The following SLC4A10 variants were observed in gnomAD, a reference collection of about 807,000 sequenced individuals.
SLC4A10 encodes the protein solute carrier family 4 member 10.
In SLC4A10, 42 loss-of-function variants were observed where a neutral mutation model predicts 137.7. That is an observed-to-expected ratio of 0.30 (90% confidence interval 0.24 to 0.39). SLC4A10 has a LOEUF of 0.39. Ranked by LOEUF, SLC4A10 falls within the 10% of genes least tolerant of loss-of-function variation. The probability of loss-of-function intolerance (pLI) is 1.00; values close to 1 mark genes in which losing one functional copy is unlikely to be tolerated. For synonymous variants in SLC4A10, 474 were observed against 464.1 expected, an observed-to-expected ratio of 1.02 and a Z score of -0.27; for missense variants, 925 against 1,355.0, an observed-to-expected ratio of 0.68 and a Z score of 4.98.
intron 1 of SLC4A10, among the ~76,000 whole-genome samples, chr2:161,667,528 T>C (rs1394243971): frequency 1.3e-5 from 2 of 151,678 alleles, no homozygotes; most frequent in East Asian, 1.9e-4. Context: ...GATGGGAAGA[T>C]ACTGTGACAT....
chr2:161,925,317 T>G (rs1193045985), intron 15 of SLC4A10, among the ~76,000 whole-genome samples: 2 of 152,190 alleles, frequency 1.3e-5, no homozygotes, highest in African/African-American at 4.8e-5. Context: ...TCTTCTAGAT[T>G]TTCTAGTTTA....
chr2:161,808,072 A>G (rs1226270698), intron 3 of SLC4A10, among the ~76,000 whole-genome samples: 1 of 152,018 alleles, frequency 6.6e-6, no homozygotes, highest in East Asian at 1.9e-4. Context: ...ATTTAGTTTT[A>G]CATTTATTAT....
At chr2:161,943,007 AGTTGTG>A (rs1693014036) in intron 16 of SLC4A10, 110 bp downstream of exon 16, 1 of 713,662 alleles carries the variant, frequency 1.4e-6, no homozygotes, top group African/African-American at 1.8e-5. Flanking sequence ...TAAAACTAAT[AGTTGTG>A]TTTTAATTTT....
chr2:161,668,281 G>A (rs1425226889), intron 1 of SLC4A10, among the ~76,000 whole-genome samples: 1 of 151,752 alleles, frequency 6.6e-6, no homozygotes, highest in Non-Finnish European at 1.5e-5. Flanking sequence ...CTAAGGAATG[G>A]GTGAAGGCAT....
intron 2 of SLC4A10, among the ~76,000 whole-genome samples, chr2:161,777,346 C>T (rs1163415707): frequency 6.6e-6 from 1 of 151,870 alleles, no homozygotes; most frequent in African/African-American, 2.4e-5. Flanking sequence ...GATGCACAGA[C>T]ATTTTTTAGT....
chr2:161,756,725 A>G (rs1468110565), intron 1 of SLC4A10, among the ~76,000 whole-genome samples: 1 of 152,094 alleles, frequency 6.6e-6, no homozygotes, highest in Non-Finnish European at 1.5e-5. Flanking sequence ...GGTCATCACT[A>G]TTTCTCTTCC....
chr2:161,720,985 C>T (rs1365304723), intron 1 of SLC4A10, among the ~76,000 whole-genome samples: 1 of 152,068 alleles, frequency 6.6e-6, no homozygotes, highest in African/African-American at 2.4e-5. Context: ...TGTGACACCA[C>T]GCCCAGCTAA....
chr2:161,947,734 AGACT>A lies in SLC4A10; in HGVS notation c.2265+8_2265+11del. The A allele has an allele frequency of 6.2e-7, 1 of 1,609,168 alleles. No homozygotes were observed. The highest frequency in any genetic ancestry group is 8.5e-7 in the Non-Finnish European group (1 of 1,177,952). On this transcript the variant is annotated splice_region_variant and intron_variant, in intron 17 of 26. Coordinates refer to ENST00000446997, the MANE Select transcript of SLC4A10 (RefSeq NM_001178015.2). ...CAGATATTTTCCAACCAAGGTACTT[AGACT>A]ATTTCTTGATCTAAATGTAAAATAA...
intron 8 of SLC4A10, among the ~76,000 whole-genome samples, chr2:161,878,924 A>C (rs2061588208): frequency 6.6e-6 from 1 of 152,188 alleles, no homozygotes; most frequent in African/African-American, 2.4e-5. Context: ...GTACCAGAGT[A>C]CTCAGCTTAT....
At chr2:161,930,909 G>A (rs553471448) in intron 15 of SLC4A10, among the ~76,000 whole-genome samples, 1 of 140,206 alleles carries the variant, frequency 7.1e-6, no homozygotes. Context: ...ACATGTTTTT[G>A]TTTTGTTTTG....
chr2:161,759,637 T>G (rs565923383), intron 1 of SLC4A10, among the ~76,000 whole-genome samples: 1 of 152,138 alleles, frequency 6.6e-6, no homozygotes, highest in Admixed American at 6.6e-5. Flanking sequence ...CTGTTGATCA[T>G]TTTTATGTCA....
At chr2:161,922,920 G>A (rs1244018343) in intron 15 of SLC4A10, among the ~76,000 whole-genome samples, 1 of 152,092 alleles carries the variant, frequency 6.6e-6, no homozygotes, top group African/African-American at 2.4e-5. Flanking sequence ...AAAAATAAAT[G>A]AATCACAAAC....
At chr2:161,712,957 A>G (rs1229794537) in intron 1 of SLC4A10, among the ~76,000 whole-genome samples, 1 of 151,894 alleles carries the variant, frequency 6.6e-6, no homozygotes, top group Admixed American at 6.6e-5. Flanking sequence ...CTCTGCCTTC[A>G]GGAGGTCACA....
At chr2:161,807,359 C>T (rs2056096966) in intron 3 of SLC4A10, among the ~76,000 whole-genome samples, 2 of 152,156 alleles carry the variant, frequency 1.3e-5, no homozygotes, top group South Asian at 2.1e-4. Context: ...GCCATGAGAG[C>T]CCATGTACAT....
At chr2:161,898,127 A>G (rs1201218430) in intron 11 of SLC4A10, among the ~76,000 whole-genome samples, 1 of 152,136 alleles carries the variant, frequency 6.6e-6, no homozygotes, top group East Asian at 1.9e-4. Flanking sequence ...ATGACCTTGA[A>G]CAAATGTTTT....
At chr2:161,832,922 A>G (rs1271832123) in intron 3 of SLC4A10, among the ~76,000 whole-genome samples, 4 of 152,072 alleles carry the variant, frequency 2.6e-5, no homozygotes, top group African/African-American at 9.7e-5. Flanking sequence ...TTGTATTTTT[A>G]GTAGAGACGG....
chr2:161,889,190 A>G (rs894303351), intron 10 of SLC4A10, among the ~76,000 whole-genome samples: 14 of 152,088 alleles, frequency 9.2e-5, no homozygotes, highest in Non-Finnish European at 1.8e-4. Flanking sequence ...GTTTGCCAGT[A>G]TTTTGCTGAG....
intron 10 of SLC4A10, among the ~76,000 whole-genome samples, chr2:161,887,336 C>T (rs1033912338): frequency 1.6e-4 from 25 of 152,014 alleles, no homozygotes; most frequent in Non-Finnish European, 2.6e-4. Flanking sequence ...TACCCAGTAA[C>T]GGGGTTGCTG....
chr2:161,702,010 A>G lies in SLC4A10; in HGVS notation c.49-68963A>G, dbSNP rs188502581. On this transcript the variant is annotated intron_variant, in intron 1 of 26. Transcript: ENST00000446997. ...AATAGTGTGTGGAAGTTCCTCAAAA[A>G]CTAAAAATAGAACTACCATATGACT... 1.2e-3 allele frequency among the ~76,000 whole-genome samples: 176 copies of G among 152,024 alleles called. 2 individuals carry two copies. The highest frequency in any genetic ancestry group is 4.0e-3 in the African/African-American group (168 of 41,558).
Sources: allele counts gnomAD v4.1 joint callset (sites outside exome capture counted in the v4.1 genomes callset), GRCh38; gene constraint gnomAD v4.1.1; transcripts MANE v1.5; gene names NCBI Gene and HGNC (gene_info 2026-07-23, HGNC 2026-07-21).